PRUNE2: variants seen among roughly 807,000 people sequenced by gnomAD.
The protein encoded by PRUNE2 is protein prune homolog 2.
A neutral mutation model predicts 252.0 loss-of-function variants in PRUNE2; 164 were observed. The observed-to-expected ratio is 0.65, with a 90% CI of 0.57 to 0.74. PRUNE2 has a LOEUF of 0.74. PRUNE2 is among the 30% of genes least tolerant of loss of function. The pLI is 0.00. For missense variants in PRUNE2, 3,495 were observed against 3,711.0 expected, an observed-to-expected ratio of 0.94 and a Z score of 1.51; for synonymous variants, 1,292 against 1,350.2, an observed-to-expected ratio of 0.96 and a Z score of 0.94.
chr9:76,872,909 C>T (rs2061297719), intron 1 of PRUNE2, among the ~76,000 whole-genome samples: 1 of 152,090 alleles, frequency 6.6e-6, no homozygotes, highest in Non-Finnish European at 1.5e-5. Context: ...TGGGGTCATG[C>T]AGATGTAATT....
At chr9:76,734,095 A>T (rs1386453402) in intron 6 of PRUNE2, among the ~76,000 whole-genome samples, 1 of 152,054 alleles carries the variant, frequency 6.6e-6, no homozygotes, top group Non-Finnish European at 1.5e-5. Context: ...AAATGAGTTG[A>T]TTTGTCTGTT....
intron 6 of PRUNE2, among the ~76,000 whole-genome samples, chr9:76,763,556 C>T (rs1471206298): frequency 1.3e-5 from 2 of 152,150 alleles, no homozygotes; most frequent in Non-Finnish European, 2.9e-5. Context: ...TGGGATGACA[C>T]AAAAGTAATG....
chr9:76,785,255 A>G (rs1589223109), intron 6 of PRUNE2: 2 of 152,240 alleles, frequency 1.3e-5, no homozygotes, highest in African/African-American at 4.8e-5. Context: ...AAAGTTTTGA[A>G]TAAGTTGACT....
chr9:76,892,624 A>C (rs1434055907), intron 1 of PRUNE2, among the ~76,000 whole-genome samples: 2 of 152,236 alleles, frequency 1.3e-5, no homozygotes, highest in African/African-American at 4.8e-5. Flanking sequence ...GAAAATAATA[A>C]ATAATGTTAA....
chr9:76,889,807 G>A (rs781166994), intron 1 of PRUNE2, among the ~76,000 whole-genome samples: 1 of 152,024 alleles, frequency 6.6e-6, no homozygotes, highest in African/African-American at 2.4e-5. Context: ...CTAATGCACC[G>A]CTCCTGCCTC....
chr9:76,780,045 A>G (rs1283407480), intron 6 of PRUNE2: 1 of 152,226 alleles, frequency 6.6e-6, no homozygotes, highest in Non-Finnish European at 1.5e-5. Flanking sequence ...ATATGTAGGA[A>G]AAATACTGGT....
rs767103136 is a variant in PRUNE2 at position 76,707,050 on chromosome 9, C to T, written c.5224G>A (p.Asp1742Asn). The change falls in exon 8 of 19, where the codon GAC (aspartate) becomes AAC (asparagine). Residue 1742 changes from aspartate to asparagine, a missense_variant. Transcript: ENST00000376718. ...PKSENIYDYLDSSEPAENENK... is the reference protein window; with the variant it reads ...PKSENIYDYLNSSEPAENENK... Reference sequence around the variant, plus strand: ...TCATTCTCTGCTGGCTCTGAGCTGTCTAGGTAGTCATAAATATTTTCAGAC... The same window carrying T: ...TCATTCTCTGCTGGCTCTGAGCTGTTTAGGTAGTCATAAATATTTTCAGAC... 1 of 1,613,882 alleles carries T rather than the reference C, an allele frequency of 6.2e-7. No homozygotes were observed. The highest frequency in any genetic ancestry group is 8.5e-7 in the Non-Finnish European group (1 of 1,179,868).
intron 5 of PRUNE2, among the ~76,000 whole-genome samples, chr9:76,825,796 C>A (rs961933172): frequency 3.9e-5 from 6 of 152,148 alleles, no homozygotes; most frequent in African/African-American, 1.2e-4. Flanking sequence ...CAGTAGGTAT[C>A]CAGTGAATTA....
At chr9:76,650,255 T>C (rs1319364414) in intron 11 of PRUNE2, among the ~76,000 whole-genome samples, 1 of 150,260 alleles carries the variant, frequency 6.7e-6, no homozygotes. Context: ...ATGAAAACTA[T>C]ATAAATGAAA....
chr9:76,711,527 C>G (rs2046730501), intron 7 of PRUNE2, among the ~76,000 whole-genome samples, 169 bp from the exon 8 acceptor site: 3 of 152,204 alleles, frequency 2.0e-5, no homozygotes, highest in Non-Finnish European at 4.4e-5. Context: ...ACCACCAACC[C>G]TTTCTCCAAT....
rs200450000 is a variant in PRUNE2, at chr9:76,710,978, G to T, written c.1296C>A (p.Thr432=). The change falls in exon 8 of 19, where the codon ACC becomes ACA. Residue 432 remains threonine (T), a synonymous_variant. Coordinates refer to ENST00000376718, the MANE Select transcript of PRUNE2 (RefSeq NM_015225.3). ...CCTTGGATGAGCGGCTGCTCCTAATGGTAGCCAGTCCGCTGTCTGGGCTAA... is the reference window on the plus strand; with the variant it reads ...CCTTGGATGAGCGGCTGCTCCTAATTGTAGCCAGTCCGCTGTCTGGGCTAA... ...DLVSPDSGLA[T]IRSSRSSKES... 3.0e-5 allele frequency: 48 copies of T among 1,609,292 alleles called. No individual in the cohort carries two copies. Among genetic ancestry groups the T allele is most frequent in the African/African-American group, 5.3e-5 (4 of 74,822 alleles).
At chr9:76,819,952 T>C (rs1414069180) in intron 6 of PRUNE2, among the ~76,000 whole-genome samples, 1 of 152,190 alleles carries the variant, frequency 6.6e-6, no homozygotes, top group Non-Finnish European at 1.5e-5. Context: ...CTCTTTGATA[T>C]CCATAAATTC....
At position 76,706,888 on chromosome 9, in the gene PRUNE2, C is replaced by T. The variant is rs753455124; in HGVS notation, c.5386G>A (p.Gly1796Arg). ...KRSSPETGTTGDVAWQISPKA... is the reference protein window; with the variant it reads ...KRSSPETGTTRDVAWQISPKA... ...GGAGATATTTGCCATGCAACATCTC[C>T]TGTTGTCCCTGTTTCTGGAGAAGAT... Residue 1796 changes from glycine (G) to arginine (R), a missense_variant, in exon 8 of 19, where the codon GGA becomes AGA. Physicochemically the swap from Gly to Arg is moderately radical, Grantham distance 125 (BLOSUM62 -2). Coordinates refer to ENST00000376718, the MANE Select transcript of PRUNE2 (RefSeq NM_015225.3). 1.3e-6 allele frequency: 2 copies of T among 1,598,216 alleles called. No homozygotes were observed. The highest frequency in any genetic ancestry group is 1.1e-5 in the South Asian group (1 of 88,192).
At chr9:76,667,054 A>C (rs910196352) in intron 9 of PRUNE2, among the ~76,000 whole-genome samples, 1 of 152,216 alleles carries the variant, frequency 6.6e-6, no homozygotes, top group African/African-American at 2.4e-5. Flanking sequence ...CACAAAAAAA[A>C]AGAAAATTCT....
In PRUNE2 at chr9:76,647,272, C is replaced by T. The variant is rs144436589; in HGVS notation, c.8558-2363G>A. ...ACTGATCTTAGACAAGGAGCAAAGG[C>T]AATACAATAAAGCAAAGATAGTCTT... On this transcript the variant is annotated intron_variant, in intron 11 of 18. Coordinates refer to ENST00000376718, the MANE Select transcript of PRUNE2 (RefSeq NM_015225.3). Among the ~76,000 whole-genome samples, 20 of 152,246 alleles carry T rather than the reference C, an allele frequency of 1.3e-4. 1 individual carries two copies. The East Asian group carries it at 3.9e-3, about 29-fold the overall frequency.
intron 1 of PRUNE2, among the ~76,000 whole-genome samples, chr9:76,883,174 T>C (rs942864031): frequency 1.3e-5 from 2 of 152,194 alleles, no homozygotes; most frequent in African/African-American, 2.4e-5. Context: ...CTTTTACATA[T>C]AGCAAAATTG....
intron 9 of PRUNE2, among the ~76,000 whole-genome samples, chr9:76,701,909 C>A (rs2134722372): frequency 6.6e-6 from 1 of 152,224 alleles, no homozygotes; most frequent in African/African-American, 2.4e-5. Flanking sequence ...TAATTTTACG[C>A]ATGAGAAAAC....
chr9:76,851,988 C>A (rs1171045593), intron 2 of PRUNE2, among the ~76,000 whole-genome samples: 1 of 152,200 alleles, frequency 6.6e-6, no homozygotes. Context: ...GGCCTTTACT[C>A]TCACACCATC....
chr9:76,830,643 C>T (rs116718072), intron 4 of PRUNE2, among the ~76,000 whole-genome samples: 248 of 148,492 alleles, frequency 1.7e-3, no homozygotes, highest in African/African-American at 6.0e-3. Flanking sequence ...TACAGCAAGA[C>T]TCAGTCTCAA....
Sources: gnomAD v4.1 joint callset for allele counts (sites outside exome capture counted in the v4.1 genomes callset) on GRCh38, gnomAD v4.1.1 for gene constraint, MANE v1.5 for transcripts, NCBI Gene and HGNC (gene_info 2026-07-23, HGNC 2026-07-21) for gene names.